The following HERC3 variants were observed in gnomAD, a reference collection of about 807,000 sequenced individuals.
HERC3 encodes the protein HECT and RLD domain containing E3 ubiquitin protein ligase 3.
In HERC3, 58 loss-of-function variants were observed where a neutral mutation model predicts 129.9. The ratio of observed to expected loss-of-function variants is 0.45; its 90% CI spans 0.36 to 0.56. The LOEUF is 0.56. Ranked by LOEUF, HERC3 falls within the 20% of genes least tolerant of loss-of-function variation. HERC3 has a pLI of 0.00. For missense variants in HERC3, 835 were observed against 1,244.2 expected, an observed-to-expected ratio of 0.67 and a Z score of 4.95; for synonymous variants, 430 against 451.0, an observed-to-expected ratio of 0.95 and a Z score of 0.59.
chr4:88,704,766 C>A (rs940679402), intron 25 of HERC3, among the ~76,000 whole-genome samples, 156 bp downstream of exon 25: 25 of 152,052 alleles, frequency 1.6e-4, no homozygotes, highest in Admixed American at 6.6e-5. Flanking sequence ...TTATCTCAGG[C>A]ACAATATAGG....
rs75704678 is a variant in HERC3, at chr4:88,632,867, A to G, written c.227-16973A>G. 6.7e-3 allele frequency among the ~76,000 whole-genome samples: 1,024 copies of G among 152,368 alleles called. 12 individuals carry two copies. The highest frequency in any genetic ancestry group is 0.023 in the African/African-American group (974 of 41,582). On this transcript the variant is annotated intron_variant, in intron 3 of 25. Transcript: ENST00000402738. ...GAAAGTTTCCAAGTTGGCAGAAGACATAAACCTACAAATTCTAGAAGCCCA... is the reference window on the plus strand; with the variant it reads ...GAAAGTTTCCAAGTTGGCAGAAGACGTAAACCTACAAATTCTAGAAGCCCA...
At chr4:88,566,113 C>T in the HERC3 span, among the ~76,000 whole-genome samples, 1 of 151,954 alleles carries the variant, frequency 6.6e-6, no homozygotes, top group African/African-American at 2.4e-5. Context: ...TTTCCTGATC[C>T]TCTCCCTCCT....
chr4:88,591,923 C>A (rs992725111), upstream of HERC3, among the ~76,000 whole-genome samples: 7 of 152,062 alleles, frequency 4.6e-5, no homozygotes, highest in Admixed American at 2.0e-4. Flanking sequence ...CCCCACCTCT[C>A]CAGAAGAGCG....
chr4:88,592,675 C>G (rs1721824256), intron 1 of HERC3, 101 bp downstream of exon 1: 1 of 152,298 alleles, frequency 6.6e-6, no homozygotes, highest in African/African-American at 2.4e-5. Context: ...CGCGCGGCTC[C>G]CGGAGGGGCG....
chr4:88,543,203 C>T, the HERC3 span, among the ~76,000 whole-genome samples: 3 of 152,104 alleles, frequency 2.0e-5, no homozygotes, highest in Non-Finnish European at 2.9e-5. Flanking sequence ...CATCTCAGCC[C>T]AAAATCTCCT....
chr4:88,615,239 A>G (rs2930811), intron 3 of HERC3, among the ~76,000 whole-genome samples: 8,249 of 152,200 alleles, frequency 0.054, 594 homozygotes, highest in East Asian at 0.27. Flanking sequence ...TTGGTGATCT[A>G]TGATCTTTAT....
the HERC3 span, among the ~76,000 whole-genome samples, chr4:88,532,419 G>T: frequency 6.6e-6 from 1 of 152,156 alleles, no homozygotes; most frequent in East Asian, 1.9e-4. Context: ...GGGCAGGGGA[G>T]TATATATGGC....
the HERC3 span, chr4:88,583,898 G>A: frequency 6.6e-6 from 1 of 152,326 alleles, no homozygotes; most frequent in Admixed American, 6.5e-5. Context: ...TCTGGACTAG[G>A]AGGATGCCAG....
Position 88,607,438 on chromosome 4 carries a change from C to T in HERC3, c.226+1389C>T, listed in dbSNP as rs140732552. On this transcript the variant is annotated intron_variant, in intron 3 of 25. Coordinates refer to ENST00000402738, the MANE Select transcript of HERC3 (RefSeq NM_014606.3). ...TAACAGGTGCTACACATATTTTAAG[C>T]TTGTTGATTTTATTTTTTTCCACCT... 3.3e-3 allele frequency among the ~76,000 whole-genome samples: 505 copies of T among 152,020 alleles called. 4 individuals carry two copies. Among genetic ancestry groups the T allele is most frequent in the African/African-American group, 9.6e-3 (400 of 41,472 alleles).
chr4:88,651,822 A>AG (rs1447530536), intron 4 of HERC3, among the ~76,000 whole-genome samples, 190 bp from the exon 5 acceptor site: 16 of 152,258 alleles, frequency 1.1e-4, no homozygotes, highest in South Asian at 6.2e-4. Context: ...TCCTGACCTC[A>AG]GGTGATAAGC....
intron 24 of HERC3, 28 bp from the exon 25 acceptor site, chr4:88,704,479 AT>A: frequency 4.1e-6 from 6 of 1,457,950 alleles, no homozygotes; most frequent in South Asian, 1.1e-5. Context: ...TCCAAGATAC[AT>A]TTTTTTCTTT....
At chr4:88,542,419 A>G in the HERC3 span, among the ~76,000 whole-genome samples, 1 of 152,224 alleles carries the variant, frequency 6.6e-6, no homozygotes, top group Admixed American at 6.5e-5. Context: ...GAATAGACCA[A>G]TAACAGGTTC....
In HERC3 at chr4:88,655,306, TGA is replaced by T; in HGVS notation, c.908+4_908+5del. ...AGTAACTCAAATTGCTTGTGGCAGG[TGA>T]GTGTTCCTCAAAGCTTGCTTGTATT... On this transcript the variant is annotated splice_donor_region_variant and intron_variant, in intron 8 of 25. Transcript: ENST00000402738. 2 of 1,606,068 alleles carry T rather than the reference TGA, an allele frequency of 1.2e-6. No homozygotes were observed. The highest frequency in any genetic ancestry group is 8.5e-7 in the Non-Finnish European group (1 of 1,176,750).
In HERC3 at chr4:88,610,687, A is replaced by C. The variant is rs543044392; in HGVS notation, c.226+4638A>C. ...GTTGCTCAGATATGCCTCAGTGCAC[A>C]CCTTGGTCTTGGAACTTGGGGGAGA... On this transcript the variant is annotated intron_variant, in intron 3 of 25. Transcript: ENST00000402738. Among the ~76,000 whole-genome samples, 45 of 152,198 alleles carry C rather than the reference A, an allele frequency of 3.0e-4. 1 individual carries two copies. Among genetic ancestry groups the C allele is most frequent in the African/African-American group, 1.0e-3 (42 of 41,520 alleles).
chr4:88,592,771 C>G (rs1227601476), intron 1 of HERC3, among the ~76,000 whole-genome samples, 197 bp downstream of exon 1: 1 of 152,050 alleles, frequency 6.6e-6, no homozygotes, highest in African/African-American at 2.4e-5. Flanking sequence ...GAGGTTGGGG[C>G]GCGGCGCCCT....
intron 3 of HERC3, among the ~76,000 whole-genome samples, chr4:88,618,384 AT>A (rs1404949874): frequency 6.6e-6 from 1 of 152,220 alleles, no homozygotes; most frequent in Non-Finnish European, 1.5e-5. Flanking sequence ...GCATATAGTC[AT>A]TCTGGCTATT....
the HERC3 span, among the ~76,000 whole-genome samples, chr4:88,533,724 C>A: frequency 1.3e-5 from 2 of 152,210 alleles, no homozygotes; most frequent in Admixed American, 6.5e-5. Flanking sequence ...TGATTCTAAT[C>A]TAGGCCTCAA....
At chr4:88,607,457 T>G (rs1328552269) in intron 3 of HERC3, among the ~76,000 whole-genome samples, 1 of 152,146 alleles carries the variant, frequency 6.6e-6, no homozygotes, top group East Asian at 1.9e-4. Flanking sequence ...TTTATTTTTT[T>G]CCACCTATTT....
chr4:88,665,344 C>CTT (rs1730938002), intron 12 of HERC3, among the ~76,000 whole-genome samples: 1 of 152,170 alleles, frequency 6.6e-6, no homozygotes, highest in South Asian at 2.1e-4. Context: ...AACTCTCAGT[C>CTT]TGAGGCTGAA....
Sources: allele counts gnomAD v4.1 joint callset (sites outside exome capture counted in the v4.1 genomes callset), GRCh38; gene constraint gnomAD v4.1.1; transcripts MANE v1.5; gene names NCBI Gene and HGNC (gene_info 2026-07-23, HGNC 2026-07-21).